DAB1: variants seen among roughly 807,000 people sequenced by gnomAD.
DAB1 encodes the protein DAB adaptor protein 1, also known as disabled homolog 1.
Under a neutral mutation model 64.6 loss-of-function variants are expected in DAB1, and 15 were observed. The observed-to-expected ratio is 0.23, with a 90% CI of 0.16 to 0.36. The LOEUF is 0.36. DAB1 is among the 10% of genes least tolerant of loss of function. DAB1 has a pLI of 1.00. For missense variants in DAB1, 596 were observed against 706.7 expected (o/e 0.84, Z 1.78); for synonymous variants, 235 against 251.9 (o/e 0.93, Z 0.64).
upstream of DAB1, among the ~76,000 whole-genome samples, chr1:57,426,186 T>A (rs1410909098): frequency 6.6e-6 from 1 of 152,206 alleles, no homozygotes; most frequent in African/African-American, 2.4e-5. Context: ...CACCTTTCAC[T>A]TCGTTCGGCT....
At chr1:57,233,193 C>A (rs900752497) in intron 2 of DAB1, among the ~76,000 whole-genome samples, 2 of 150,724 alleles carry the variant, frequency 1.3e-5, no homozygotes, top group African/African-American at 4.9e-5. Context: ...CCTCCAGCAG[C>A]TCTGTCCTTT....
chr1:58,118,579 C>CAT (rs1409213834), intron 5 of DAB1, among the ~76,000 whole-genome samples: 24 of 91,902 alleles, frequency 2.6e-4, no homozygotes, highest in Non-Finnish European at 2.9e-4. Context: ...TATATATATA[C>CAT]ATATATATAT....
intron 6 of DAB1, among the ~76,000 whole-genome samples, chr1:57,695,938 A>C (rs1646839537): frequency 1.3e-5 from 2 of 152,134 alleles, no homozygotes. Flanking sequence ...ACCAGTTAGA[A>C]GGGAAATTTC....
At chr1:58,275,868 T>C (rs1194166754) in intron 4 of DAB1, among the ~76,000 whole-genome samples, 2 of 152,208 alleles carry the variant, frequency 1.3e-5, no homozygotes, top group African/African-American at 2.4e-5. Context: ...GAGATATTTG[T>C]ATATCAATGT....
rs371930481 is a variant in DAB1, at chr1:57,659,545, C to T, written n.552-9880G>A. On this transcript the variant is annotated intron_variant and non_coding_transcript_variant, in intron 6 of 20. Coordinates refer to the DAB1 transcript ENST00000485760. Reference sequence around the variant, plus strand: ...GTGTTCTCTACTCTGTCATTACTTGCTATGTGACCTTGAACAAGTCACTTT... The same window carrying T: ...GTGTTCTCTACTCTGTCATTACTTGTTATGTGACCTTGAACAAGTCACTTT... 4.6e-5 allele frequency among the ~76,000 whole-genome samples: 7 copies of T among 152,216 alleles called. 1 individual carries two copies. In the South Asian group the frequency reaches 1.5e-3, roughly 32 times the overall value.
chr1:58,489,748 C>T (rs1645644432), intron 3 of DAB1, among the ~76,000 whole-genome samples: 1 of 152,170 alleles, frequency 6.6e-6, no homozygotes, highest in Non-Finnish European at 1.5e-5. Context: ...ACAAAACTTC[C>T]AGAGGAATGA....
At chr1:58,152,616 T>C (rs1252514867) in intron 4 of DAB1, among the ~76,000 whole-genome samples, 1 of 152,228 alleles carries the variant, frequency 6.6e-6, no homozygotes, top group Non-Finnish European at 1.5e-5. Context: ...ACACGAGCTC[T>C]ATCATGCTAA....
At chr1:57,977,261 A>C (rs903742259) in intron 5 of DAB1, among the ~76,000 whole-genome samples, 1 of 152,216 alleles carries the variant, frequency 6.6e-6, no homozygotes, top group African/African-American at 2.4e-5. Flanking sequence ...ATGATTAGCT[A>C]ATAGCATAGT....
intron 4 of DAB1, among the ~76,000 whole-genome samples, chr1:57,079,519 A>G (rs1652290206): frequency 6.6e-6 from 1 of 152,160 alleles, no homozygotes; most frequent in African/African-American, 2.4e-5. Flanking sequence ...AGAGATTGAG[A>G]AGAAAACCTG....
chr1:58,066,335 T>C (rs567419820), intron 5 of DAB1, among the ~76,000 whole-genome samples: 2 of 152,312 alleles, frequency 1.3e-5, no homozygotes, highest in East Asian at 1.9e-4. Flanking sequence ...GCATGGCCTG[T>C]GGTTTGGGGT....
chr1:57,001,397 G>C (rs912709608), intron 14 of DAB1, among the ~76,000 whole-genome samples: 1 of 152,102 alleles, frequency 6.6e-6, no homozygotes, highest in Non-Finnish European at 1.5e-5. Flanking sequence ...AAGCACCTTC[G>C]CCGGGCACAC....
At chr1:58,299,370 T>G (rs1662068320) in intron 4 of DAB1, among the ~76,000 whole-genome samples, 1 of 152,182 alleles carries the variant, frequency 6.6e-6, no homozygotes, top group Non-Finnish European at 1.5e-5. Context: ...GCTGTGCACT[T>G]TCAATGAGGT....
At chr1:57,665,853 GT>G (rs1646441262) in intron 6 of DAB1, among the ~76,000 whole-genome samples, 1 of 120,810 alleles carries the variant, frequency 8.3e-6, no homozygotes, top group African/African-American at 4.1e-5. Context: ...AATTATCTGT[GT>G]GTGTGTGTGT....
intron 7 of DAB1, among the ~76,000 whole-genome samples, chr1:57,454,729 A>G (rs1686516990): frequency 6.6e-6 from 1 of 152,150 alleles, no homozygotes; most frequent in East Asian, 1.9e-4. Context: ...GTTGTTGAAG[A>G]TAGTTCTCTA....
intron 6 of DAB1, among the ~76,000 whole-genome samples, chr1:57,734,689 G>T (rs1034831583): frequency 1.3e-5 from 2 of 152,208 alleles, no homozygotes; most frequent in Non-Finnish European, 2.9e-5. Context: ...ACTAGGCAGG[G>T]AAGTGAGGGG....
intron 4 of DAB1, among the ~76,000 whole-genome samples, chr1:58,302,275 A>G (rs966785850): frequency 6.6e-6 from 1 of 152,034 alleles, no homozygotes; most frequent in Non-Finnish European, 1.5e-5. Flanking sequence ...TTTTCTCAAG[A>G]ATGTTGCCTA....
chr1:58,309,908 TA>T (rs1469707784), intron 4 of DAB1, among the ~76,000 whole-genome samples: 2 of 152,180 alleles, frequency 1.3e-5, no homozygotes, highest in Non-Finnish European at 2.9e-5. Flanking sequence ...ACTAATAAAA[TA>T]AGCAAGTTGT....
chr1:57,653,625 T>C (rs999279659), intron 6 of DAB1, among the ~76,000 whole-genome samples: 3 of 152,284 alleles, frequency 2.0e-5, no homozygotes, highest in African/African-American at 7.2e-5. Context: ...TTATTATTTT[T>C]TTTTTGAGAT....
chr1:57,141,073 C>T (rs17115192), intron 3 of DAB1, among the ~76,000 whole-genome samples: 3,339 of 152,212 alleles, frequency 0.022, 143 homozygotes, highest in African/African-American at 0.077. Context: ...AACCTTAGAA[C>T]GCTATTCCAG....
Sources: gnomAD v4.1 joint callset for allele counts (sites outside exome capture counted in the v4.1 genomes callset) on GRCh38, gnomAD v4.1.1 for gene constraint, MANE v1.5 for transcripts, NCBI Gene and HGNC (gene_info 2026-07-23, HGNC 2026-07-21) for gene names.